The following UBE2D1 variants were observed in gnomAD, a reference collection of about 807,000 sequenced individuals.
UBE2D1 encodes the protein ubiquitin conjugating enzyme E2 D1.
In UBE2D1, 9 loss-of-function variants were observed where a neutral mutation model predicts 24.6. That is an observed-to-expected ratio of 0.37 (90% CI 0.22 to 0.64). The LOEUF is 0.64. UBE2D1 is among the 30% of genes least tolerant of loss of function. The probability of loss-of-function intolerance (pLI) is 0.64; values close to 1 mark genes in which losing one functional copy is unlikely to be tolerated. For synonymous variants in UBE2D1, 57 were observed against 57.6 expected, an observed-to-expected ratio of 0.99 and a Z score of 0.04; for missense variants, 87 against 177.1, an observed-to-expected ratio of 0.49 and a Z score of 2.89.
At chr10:58,346,748 A>T (rs1481721508) in intron 1 of UBE2D1, among the ~76,000 whole-genome samples, 1 of 152,198 alleles carries the variant, frequency 6.6e-6, no homozygotes, top group Non-Finnish European at 1.5e-5. Flanking sequence ...AATGGAAAAC[A>T]TCGAAGAGGT....
chr10:58,335,008 A>C lies in UBE2D1; in HGVS notation c.-194A>C. The C allele has an allele frequency of 5.5e-6, 3 of 544,510 alleles. No homozygotes were observed. Among genetic ancestry groups the C allele is most frequent in the Non-Finnish European group, 9.4e-6 (3 of 317,916 alleles). The allele number at this position is 544,510 out of a possible 1,614,324, so 33.7% of individuals were successfully genotyped here. ...GAGTCTCGCCGGCGTCCCCGCCCGCACACTCGCGCACACTCGCGCTCGGGC... is the reference window on the plus strand; with the variant it reads ...GAGTCTCGCCGGCGTCCCCGCCCGCCCACTCGCGCACACTCGCGCTCGGGC... On this transcript the variant is annotated 5_prime_UTR_variant, in exon 1 of 7. Coordinates refer to ENST00000373910, the MANE Select transcript of UBE2D1 (RefSeq NM_003338.5).
At chr10:58,335,309 G>A (rs2132309851) in intron 1 of UBE2D1, 84 bp downstream of exon 1, 1 of 1,406,488 alleles carries the variant, frequency 7.1e-7, no homozygotes, top group Non-Finnish European at 9.4e-7. Flanking sequence ...AGAGACATGC[G>A]GGGAGAGCAA....
intron 1 of UBE2D1, 148 bp downstream of exon 1, chr10:58,335,373 C>G: frequency 2.0e-6 from 2 of 981,694 alleles, no homozygotes; most frequent in Admixed American, 3.4e-5. Flanking sequence ...TCGGGCCGGG[C>G]CAGCGGGCAT....
At chr10:58,347,664 C>T (rs558528459) in intron 1 of UBE2D1, among the ~76,000 whole-genome samples, 5 of 142,654 alleles carry the variant, frequency 3.5e-5, no homozygotes, top group African/African-American at 1.4e-4. Flanking sequence ...TTTTTTGCCC[C>T]GAGACGGAGT....
At chr10:58,336,403 T>C (rs1839903646) in intron 1 of UBE2D1, among the ~76,000 whole-genome samples, 1 of 152,224 alleles carries the variant, frequency 6.6e-6, no homozygotes, top group Non-Finnish European at 1.5e-5. Context: ...AGAGCAGTGA[T>C]AGTGACGTAC....
At chr10:58,349,748 C>T (rs2132321124) in intron 1 of UBE2D1, among the ~76,000 whole-genome samples, 1 of 152,294 alleles carries the variant, frequency 6.6e-6, no homozygotes, top group African/African-American at 2.4e-5. Flanking sequence ...GTGAAACCAG[C>T]ACCCAGCTCA....
chr10:58,350,190 C>T (rs891135720), intron 1 of UBE2D1, among the ~76,000 whole-genome samples: 4 of 152,126 alleles, frequency 2.6e-5, no homozygotes, highest in African/African-American at 2.4e-5. Flanking sequence ...AGAGTATTTC[C>T]GTGTTTGCCA....
chr10:58,361,128 A>G (rs1158601571), intron 1 of UBE2D1, among the ~76,000 whole-genome samples: 1 of 152,198 alleles, frequency 6.6e-6, no homozygotes, highest in East Asian at 1.9e-4. Flanking sequence ...TTTCCATTTA[A>G]TCTTTTCAAG....
intron 1 of UBE2D1, among the ~76,000 whole-genome samples, chr10:58,349,055 C>T (rs1564559127): frequency 2.6e-5 from 4 of 152,116 alleles, no homozygotes; most frequent in East Asian, 1.9e-4. Context: ...CTTTGTGTCT[C>T]GTTGTTTATA....
chr10:58,364,966 A>G (rs954297874), intron 5 of UBE2D1, 90 bp downstream of exon 5: 18 of 1,005,574 alleles, frequency 1.8e-5, no homozygotes, highest in African/African-American at 1.6e-4. Flanking sequence ...TTTTAAAACA[A>G]CAATCAACTG....
Position 58,335,235 on chromosome 10 carries a change from G to T in UBE2D1, c.24+10G>T, listed in dbSNP as rs1329755150. On this transcript the variant is annotated intron_variant, in intron 1 of 6. Coordinates refer to ENST00000373910, the MANE Select transcript of UBE2D1 (RefSeq NM_003338.5). ...GAAGAGGATTCAGAAAGTGAGTGCC[G>T]GGGCCGGGCCTGGGGCTGCGGGGCA... 1 of 1,537,054 alleles carries T rather than the reference G, an allele frequency of 6.5e-7. No homozygotes were observed.
intron 1 of UBE2D1, among the ~76,000 whole-genome samples, chr10:58,350,573 T>A (rs907630346): frequency 6.6e-6 from 1 of 152,228 alleles, no homozygotes; most frequent in East Asian, 1.9e-4. Context: ...ACACTTTTAA[T>A]GTGCCTTTTG....
At chr10:58,361,824 G>T (rs1462740994) in intron 3 of UBE2D1, among the ~76,000 whole-genome samples, 2 of 148,382 alleles carry the variant, frequency 1.3e-5, no homozygotes, top group Non-Finnish European at 3.0e-5. Flanking sequence ...AAGTCACAGA[G>T]AGTTAGTTGT....
chr10:58,359,955 C>G (rs997727971), intron 1 of UBE2D1, among the ~76,000 whole-genome samples: 2 of 152,154 alleles, frequency 1.3e-5, no homozygotes, highest in African/African-American at 4.8e-5. Flanking sequence ...CCCCATTTTT[C>G]TTGCCTATGC....
At chr10:58,363,344 C>T (rs898713525) in intron 3 of UBE2D1, among the ~76,000 whole-genome samples, 4 of 152,010 alleles carry the variant, frequency 2.6e-5, no homozygotes, top group Non-Finnish European at 4.4e-5. Context: ...TGTGTGTGTC[C>T]TGTTTTTGTT....
chr10:58,335,889 C>T (rs900229899), intron 1 of UBE2D1, among the ~76,000 whole-genome samples: 1 of 152,206 alleles, frequency 6.6e-6, no homozygotes, highest in Admixed American at 6.5e-5. Context: ...AACAAGATGA[C>T]CTCCTGGCTG....
intron 5 of UBE2D1, among the ~76,000 whole-genome samples, chr10:58,366,976 TGTTG>T (rs1840262539): frequency 6.6e-6 from 1 of 152,172 alleles, no homozygotes; most frequent in Non-Finnish European, 1.5e-5. Flanking sequence ...AAATCTGCCC[TGTTG>T]GTTTAATATA....
chr10:58,368,631 A>G, intron 6 of UBE2D1, 89 bp from the exon 7 acceptor site: 3 of 812,048 alleles, frequency 3.7e-6, no homozygotes, highest in Non-Finnish European at 3.6e-6. Context: ...ATTAAGTATA[A>G]GAAGGTAGAA....
In UBE2D1 at chr10:58,368,946, T is replaced by C; in HGVS notation, c.*181T>C. The C allele has an allele frequency of 2.6e-6, 1 of 377,634 alleles. No individual in the cohort carries two copies. The highest frequency in any genetic ancestry group is 4.6e-5 in the Admixed American group (1 of 21,792). 23.4% of individuals were successfully genotyped at this position (377,634 alleles called of 1,614,324 possible). A position where few individuals can be genotyped will look rare whatever the true frequency, so the allele number is the denominator to read the frequency against. ...ACTTCCAAAAATACCCTTAAGACTG[T>C]GATGAGAGCATTTATCATTTTGTAT... is the stretch of plus-strand genomic sequence containing the variant. On this transcript the variant is annotated 3_prime_UTR_variant, in exon 7 of 7. Transcript: ENST00000373910.
Sources: gnomAD v4.1 joint callset for allele counts (sites outside exome capture counted in the v4.1 genomes callset) on GRCh38, gnomAD v4.1.1 for gene constraint, MANE v1.5 for transcripts, NCBI Gene and HGNC (gene_info 2026-07-23, HGNC 2026-07-21) for gene names.